Variants in TCF4 observed in about 807,000 individuals in gnomAD.
The protein encoded by TCF4 is transcription factor 4.
A neutral mutation model predicts 82.1 loss-of-function variants in TCF4; 3 were observed. The ratio of observed to expected loss-of-function variants is 0.04; its 90% confidence interval spans 0.02 to 0.09. The LOEUF is 0.09. Ranked by LOEUF, TCF4 falls within the 10% of genes least tolerant of loss-of-function variation. The pLI is 1.00. For synonymous variants in TCF4, 276 were observed against 309.6 expected (o/e 0.89, Z 1.14); for missense variants, 518 against 852.7 (o/e 0.61, Z 4.89).
intron 1 of TCF4, among the ~76,000 whole-genome samples, chr18:55,631,830 G>A (rs598048): frequency 1 from 152,078 of 152,314 alleles, 75,922 homozygotes; most frequent in Middle Eastern, 1. Context: ...CCTCAGAAAC[G>A]CTAGTACCAA....
chr18:55,367,274 TA>T (rs1415897253), intron 6 of TCF4, among the ~76,000 whole-genome samples: 2 of 152,188 alleles, frequency 1.3e-5, no homozygotes, highest in Non-Finnish European at 1.5e-5. Flanking sequence ...AATATAGATA[TA>T]AAAACAATTG....
At chr18:55,539,661 T>C (rs2097148204) in intron 3 of TCF4, among the ~76,000 whole-genome samples, 1 of 152,136 alleles carries the variant, frequency 6.6e-6, no homozygotes, top group African/African-American at 2.4e-5. Flanking sequence ...GGAGGATTAG[T>C]GCCCCCAAGA....
chr18:55,432,100 G>C (rs1475554682), intron 5 of TCF4, among the ~76,000 whole-genome samples: 1 of 152,144 alleles, frequency 6.6e-6, no homozygotes, highest in Non-Finnish European at 1.5e-5. Flanking sequence ...TCAGGAGTTC[G>C]AGACCAGCCT....
chr18:55,286,537 G>A (rs2063732141), intron 8 of TCF4, among the ~76,000 whole-genome samples: 1 of 152,130 alleles, frequency 6.6e-6, no homozygotes, highest in Non-Finnish European at 1.5e-5. Flanking sequence ...TTCCTAAGTA[G>A]CTAACTTAAA....
intron 3 of TCF4, among the ~76,000 whole-genome samples, chr18:55,471,256 G>T (rs1265573045): frequency 6.6e-6 from 1 of 152,164 alleles, no homozygotes; most frequent in Non-Finnish European, 1.5e-5. Context: ...ACACAAGCAT[G>T]ATTGTTTCTG....
intron 3 of TCF4, among the ~76,000 whole-genome samples, chr18:55,517,292 T>C (rs758112645): frequency 5.3e-5 from 8 of 152,160 alleles, no homozygotes; most frequent in Non-Finnish European, 1.0e-4. Flanking sequence ...TCTACCATGA[T>C]GTGAAGAACC....
intron 2 of TCF4, chr18:55,596,263 T>C: frequency 3.2e-6 from 1 of 309,874 alleles, no homozygotes; most frequent in East Asian, 1.4e-4. Context: ...CTTCATTGCA[T>C]TGGCTGTCAC....
At chr18:55,535,901 T>C (rs1232487181) in intron 3 of TCF4, among the ~76,000 whole-genome samples, 1 of 152,232 alleles carries the variant, frequency 6.6e-6, no homozygotes, top group African/African-American at 2.4e-5. Flanking sequence ...ATTTTACATC[T>C]GGAAACAGTC....
At position 55,429,701 on chromosome 18, in the gene TCF4, C is replaced by T. The variant is rs9955827; in HGVS notation, c.305-26183G>A. ...GCGTGAACCCGGGAGGCGGAGCTTG[C>T]GATGAGCCAAGATGGCACCACTGCA... On this transcript the variant is annotated intron_variant, in intron 5 of 19. Coordinates refer to ENST00000354452, the MANE Select transcript of TCF4 (RefSeq NM_001083962.2). Among the ~76,000 whole-genome samples, 626 of 122,376 alleles carry T rather than the reference C, an allele frequency of 5.1e-3. 2 individuals carry two copies. Among genetic ancestry groups the T allele is most frequent in the African/African-American group, 0.018 (593 of 32,450 alleles). 80.3% of individuals were successfully genotyped at this position (122,376 alleles called of 152,430 possible).
At chr18:55,483,930 T>A (rs1216274999) in intron 3 of TCF4, among the ~76,000 whole-genome samples, 1 of 152,244 alleles carries the variant, frequency 6.6e-6, no homozygotes, top group Non-Finnish European at 1.5e-5. Flanking sequence ...CCTAGAGCAG[T>A]TTACTGCTTT....
chr18:55,517,954 T>C (rs1376452341), intron 3 of TCF4, among the ~76,000 whole-genome samples: 2 of 152,158 alleles, frequency 1.3e-5, no homozygotes, highest in Non-Finnish European at 2.9e-5. Context: ...AAAATTACAA[T>C]AAATAATCAT....
At chr18:55,429,634 G>A (rs894106390) in intron 5 of TCF4, among the ~76,000 whole-genome samples, 6 of 151,896 alleles carry the variant, frequency 4.0e-5, no homozygotes, top group African/African-American at 7.3e-5. Flanking sequence ...GGTGGTGGGC[G>A]CCTGTGGTCC....
At chr18:55,297,147 G>GTTTT (rs35268463) in intron 8 of TCF4, among the ~76,000 whole-genome samples, 13 of 64,268 alleles carry the variant, frequency 2.0e-4, no homozygotes, top group East Asian at 4.6e-4. Flanking sequence ...TTTCTTTGAG[G>GTTTT]TTTTTTTTTT....
chr18:55,596,985 T>C (rs1268934425), intron 2 of TCF4, among the ~76,000 whole-genome samples: 1 of 152,152 alleles, frequency 6.6e-6, no homozygotes, highest in Non-Finnish European at 1.5e-5. Flanking sequence ...CCCTTGCTGT[T>C]CTCATAATAG....
intron 5 of TCF4, among the ~76,000 whole-genome samples, chr18:55,423,259 C>G (rs914568977): frequency 6.6e-6 from 1 of 151,786 alleles, no homozygotes; most frequent in Non-Finnish European, 1.5e-5. Flanking sequence ...GTATTGGCTC[C>G]GTTACAAAAA....
chr18:55,349,109 C>T (rs1010409906), intron 8 of TCF4, among the ~76,000 whole-genome samples: 1 of 152,090 alleles, frequency 6.6e-6, no homozygotes, highest in African/African-American at 2.4e-5. Flanking sequence ...TTTTAAGTGA[C>T]TTATTGCTAG....
At position 55,436,517 on chromosome 18, in the gene TCF4, C is replaced by T. The variant is rs192789070; in HGVS notation, c.304+24502G>A. 4.6e-5 allele frequency among the ~76,000 whole-genome samples: 7 copies of T among 152,228 alleles called. No individual in the cohort carries two copies. The East Asian group carries it at 1.2e-3, about 25-fold the overall frequency. ...TACAAGACACAGAGGAGACATTAAC[C>T]AATTTTCTCTCTGCATCTTAATTTT... is the stretch of plus-strand genomic sequence containing the variant. On this transcript the variant is annotated intron_variant, in intron 5 of 19. Transcript: ENST00000354452.
chr18:55,271,175 T>C (rs2060282314), intron 10 of TCF4, among the ~76,000 whole-genome samples: 1 of 152,140 alleles, frequency 6.6e-6, no homozygotes, highest in African/African-American at 2.4e-5. Flanking sequence ...AGTCCCTGAC[T>C]ACCTCCAACT....
At chr18:55,338,264 A>C (rs1182481835) in intron 8 of TCF4, among the ~76,000 whole-genome samples, 1 of 152,208 alleles carries the variant, frequency 6.6e-6, no homozygotes, top group Non-Finnish European at 1.5e-5. Flanking sequence ...GAAGAGAGTC[A>C]GATGTCCTCA....
Sources: allele counts gnomAD v4.1 joint callset (sites outside exome capture counted in the v4.1 genomes callset), GRCh38; gene constraint gnomAD v4.1.1; transcripts MANE v1.5; gene names NCBI Gene and HGNC (gene_info 2026-07-23, HGNC 2026-07-21).